The following TBX1 variants were observed in gnomAD, a reference collection of about 807,000 sequenced individuals.
TBX1 encodes T-box transcription factor 1, also known as T-box transcription factor TBX1.
TBX1 carries 16 observed loss-of-function variants against 40.8 expected under a neutral mutation model. That is an observed-to-expected ratio of 0.39 (90% CI 0.27 to 0.60). TBX1 has a LOEUF of 0.60. Ranked by LOEUF, TBX1 falls within the 20% of genes least tolerant of loss-of-function variation. TBX1 has a pLI of 0.51. For missense variants in TBX1, 755 were observed against 728.5 expected, an observed-to-expected ratio of 1.04 and a Z score of -0.42; for synonymous variants, 403 against 336.8, an observed-to-expected ratio of 1.20 and a Z score of -2.15.
At chr22:19,770,162 T>C (rs1936964803), downstream of TBX1, among the ~76,000 whole-genome samples, 1 of 152,006 alleles carries the variant, frequency 6.6e-6, no homozygotes, top group Admixed American at 6.6e-5. Flanking sequence ...GCTGCAGACG[T>C]CCAGCTGCCA....
At chr22:19,759,334 T>TG (rs778226771), upstream of TBX1, among the ~76,000 whole-genome samples, 83 of 152,230 alleles carry the variant, frequency 5.5e-4, 1 homozygote, top group Non-Finnish European at 9.0e-4. Flanking sequence ...CAGCCCCAAG[T>TG]GGGGGGCCCA....
chr22:19,759,954 C>T (rs964007610), upstream of TBX1, among the ~76,000 whole-genome samples: 1 of 152,136 alleles, frequency 6.6e-6, no homozygotes, highest in Non-Finnish European at 1.5e-5. Context: ...GGCCGTGAGC[C>T]TGGAGAGGGG....
Position 19,767,203 on chromosome 22 carries a change from GC to G in TBX1, c.*339del, listed in dbSNP as rs1397756431. ...TCTCCCCGAGACCGCGTCGCCCGCGGCCCGGCCGGCAGTTGCAGTGTAGACA... is the reference window on the plus strand; with the variant it reads ...TCTCCCCGAGACCGCGTCGCCCGCGGCCGGCCGGCAGTTGCAGTGTAGACA... On this transcript the variant is annotated 3_prime_UTR_variant, in exon 7 of 7. Transcript: ENST00000649276. The G allele has an allele frequency of 2.2e-5, 24 of 1,100,944 alleles. No homozygotes were observed. The highest frequency in any genetic ancestry group is 2.3e-5 in the Non-Finnish European group (21 of 905,198). The allele number at this position is 1,100,944 out of a possible 1,614,324, so 68.2% of individuals were successfully genotyped here. A position where few individuals can be genotyped will look rare whatever the true frequency, so the allele number is the denominator to read the frequency against.
At chr22:19,778,568 G>A (rs992661594) in intron 8 of TBX1, among the ~76,000 whole-genome samples, 1 of 151,656 alleles carries the variant, frequency 6.6e-6, no homozygotes, top group African/African-American at 2.4e-5. Context: ...CCAAATAGCT[G>A]GGATTACAGG....
chr22:19,764,396 A>T, intron 3 of TBX1, 70 bp downstream of exon 3: 1 of 1,587,620 alleles, frequency 6.3e-7, no homozygotes, highest in Admixed American at 1.7e-5. Context: ...GCCTGTCCCT[A>T]AGAGGCCTGT....
Position 19,761,168 on chromosome 22 carries a change from C to T in TBX1, c.325C>T (p.Pro109Ser), listed in dbSNP as rs1195032707. ...GASCAAAAKA[P>S]VKKNAKVAGV... Reference sequence around the variant, plus strand: ...CAGCTGCGCGGCCGCAGCCAAGGCGCCGGTGAAGAAGAACGCGAAGGTGGC... The same window carrying T: ...CAGCTGCGCGGCCGCAGCCAAGGCGTCGGTGAAGAAGAACGCGAAGGTGGC... Residue 109 changes from proline to serine, a missense_variant, in exon 1 of 7, where the codon CCG (proline) becomes TCG (serine). Physicochemically the swap from Pro to Ser is moderately conservative, Grantham distance 74 (BLOSUM62 -1). Around this residue, in one of 3 missense-constraint regions of TBX1, gnomAD observed 199 missense variants for 173.0 expected, o/e 1.15. Transcript: ENST00000649276. The T allele has an allele frequency of 6.6e-7, 1 of 1,524,120 alleles. No homozygotes were observed. The highest frequency in any genetic ancestry group is 1.4e-5 in the African/African-American group (1 of 69,418). The allele number at this position is 1,524,120 out of a possible 1,614,324, so 94.4% of individuals were successfully genotyped here. A position where few individuals can be genotyped will look rare whatever the true frequency, so the allele number is the denominator to read the frequency against.
upstream of TBX1, chr22:19,756,878 G>A (rs1936497784): frequency 6.5e-6 from 1 of 152,820 alleles, no homozygotes; most frequent in South Asian, 1.8e-4. Flanking sequence ...GACGGGTGGG[G>A]TGGCGGCAGG....
chr22:19,766,516 C>G lies in TBX1; in HGVS notation c.1164C>G (p.Ala388=). The change falls in exon 7 of 7, where the codon GCC becomes GCG. Residue 388 remains alanine (A), a synonymous_variant. Transcript: ENST00000649276. Reference sequence around the variant, plus strand: ...CCTCGCTGCCCGGGGCCGGCGGCGCCGGCGGCTTAGTCCCGCTGCCCGGCG... The same window carrying G: ...CCTCGCTGCCCGGGGCCGGCGGCGCGGGCGGCTTAGTCCCGCTGCCCGGCG... ...LSPSLPGAGG[A]GGLVPLPGAP... 7.6e-7 allele frequency: 1 copy of G among 1,314,588 alleles called. No individual in the cohort carries two copies. Among genetic ancestry groups the G allele is most frequent in the Non-Finnish European group, 9.6e-7 (1 of 1,037,878 alleles). 81.4% of individuals were successfully genotyped at this position (1,314,588 alleles called of 1,614,324 possible).
intron 3 of TBX1, among the ~76,000 whole-genome samples, chr22:19,764,562 G>A (rs1428247181): frequency 2.0e-5 from 3 of 152,244 alleles, no homozygotes; most frequent in African/African-American, 7.2e-5. Context: ...GCACAGCCTA[G>A]TGGGCCTGGG....
chr22:19,761,355 C>A, intron 1 of TBX1, 75 bp downstream of exon 1: 2 of 1,415,722 alleles, frequency 1.4e-6, no homozygotes, highest in Non-Finnish European at 1.9e-6. Context: ...GCCTGATCCG[C>A]GCGAGCGGGG....
upstream of TBX1, chr22:19,759,542 G>A: frequency 6.4e-7 from 1 of 1,558,880 alleles, no homozygotes. Flanking sequence ...GTTCAGCATC[G>A]CCTCTCTGGT....
In TBX1 at chr22:19,765,253, C is replaced by T. The variant is rs1936793452; in HGVS notation, c.867+140C>T. The T allele has an allele frequency of 4.5e-6, 6 of 1,336,336 alleles. No individual in the cohort carries two copies. In the African/African-American group the frequency reaches 7.2e-5, roughly 16 times the overall value. The allele number at this position is 1,336,336 out of a possible 1,614,324, so 82.8% of individuals were successfully genotyped here. A position where few individuals can be genotyped will look rare whatever the true frequency, so the allele number is the denominator to read the frequency against. On this transcript the variant is annotated intron_variant, in intron 4 of 6. Coordinates refer to ENST00000649276, the MANE Select transcript of TBX1 (RefSeq NM_001379200.1). ...AGTGGAGCCCAACCCAACTGGAGCC[C>T]CACTCCCAAGGGCCTCAGGCAGCCC...
chr22:19,766,114 G>T (rs1391931988), intron 6 of TBX1, 112 bp downstream of exon 6: 1 of 996,500 alleles, frequency 1.0e-6, no homozygotes, highest in East Asian at 4.0e-5. Flanking sequence ...CTTTCGCGCC[G>T]GTTGCACAAC....
rs1478285860 is a variant in TBX1, at chr22:19,760,825, C to G, written c.-19C>G. 2.5e-6 allele frequency: 2 copies of G among 800,012 alleles called. No individual in the cohort carries two copies. The highest frequency in any genetic ancestry group is 3.0e-6 in the Non-Finnish European group (2 of 662,716). The allele number at this position is 800,012 out of a possible 1,614,324, so 49.6% of individuals were successfully genotyped here. ...GCGCTCAGCTTGGTGGCGGGGGCGG[C>G]GGCGGCGGCCCGCGGGTCATGATCT... is the stretch of plus-strand genomic sequence containing the variant. On this transcript the variant is annotated 5_prime_UTR_variant, in exon 1 of 7. Coordinates refer to ENST00000649276, the MANE Select transcript of TBX1 (RefSeq NM_001379200.1).
chr22:19,767,197 C>G lies in TBX1; in HGVS notation c.*330C>G, dbSNP rs567642855. ...TATTGTTCTCCCCGAGACCGCGTCG[C>G]CCGCGGCCCGGCCGGCAGTTGCAGT... On this transcript the variant is annotated 3_prime_UTR_variant, in exon 7 of 7. Transcript: ENST00000649276. 2 of 1,107,214 alleles carry G rather than the reference C, an allele frequency of 1.8e-6. No homozygotes were observed. The highest frequency in any genetic ancestry group is 2.2e-6 in the Non-Finnish European group (2 of 909,172). 68.6% of individuals were successfully genotyped at this position (1,107,214 alleles called of 1,614,324 possible).
chr22:19,766,251 C>G (rs1936837832), intron 6 of TBX1, 138 bp from the exon 7 acceptor site: 2 of 1,159,146 alleles, frequency 1.7e-6, no homozygotes, highest in Admixed American at 4.7e-5. Context: ...GACTTGGGGT[C>G]TCGGGCACGC....
chr22:19,763,541 C>T lies in TBX1; in HGVS notation c.539+199C>T, dbSNP rs1171179003. On this transcript the variant is annotated intron_variant, in intron 2 of 6. Transcript: ENST00000649276. The stretch of plus-strand genomic sequence containing the variant: ...ACCCTACTCCATGCCCTCTCAGAAC[C>T]CGCCTCTGGAGCCGCAGGCTGCAGA... 19 of 608,150 alleles carry T rather than the reference C, an allele frequency of 3.1e-5. No homozygotes were observed. The East Asian group carries it at 5.1e-4, about 16-fold the overall frequency. The allele number at this position is 608,150 out of a possible 1,614,324, so 37.7% of individuals were successfully genotyped here. A position where few individuals can be genotyped will look rare whatever the true frequency, so the allele number is the denominator to read the frequency against.
chr22:19,761,403 G>C (rs1569018827), intron 1 of TBX1, 123 bp downstream of exon 1: 1 of 1,239,956 alleles, frequency 8.1e-7, no homozygotes, highest in Non-Finnish European at 1.0e-6. Context: ...GGCCACCTGC[G>C]GGCCCCTCTG....
chr22:19,773,079 C>T lies in TBX1; in HGVS notation c.1010-6141C>T, dbSNP rs569019097. On this transcript the variant is annotated intron_variant, in intron 8 of 8. Coordinates refer to the TBX1 transcript ENST00000329705. ...GCTAGCTGGTGGCATTGTTCCTCCA[C>T]GGATTCAGAGCTTACGAGCACGGGC... 8.5e-5 allele frequency among the ~76,000 whole-genome samples: 13 copies of T among 152,340 alleles called. No homozygotes were observed. The South Asian group carries it at 1.9e-3, about 22-fold the overall frequency.
Sources: allele counts gnomAD v4.1 joint callset (sites outside exome capture counted in the v4.1 genomes callset), GRCh38; gene constraint gnomAD v4.1.1; regional missense constraint gnomAD v4.1.1; transcripts MANE v1.5; gene names NCBI Gene and HGNC (gene_info 2026-07-23, HGNC 2026-07-21).